The following NMU variants were observed in gnomAD, a reference collection of about 807,000 sequenced individuals.
NMU encodes the protein neuromedin-U.
NMU carries 29 observed loss-of-function variants against 35.4 expected under a neutral mutation model. The ratio of observed to expected loss-of-function variants is 0.82; its 90% CI spans 0.61 to 1.12. NMU has a LOEUF of 1.12. NMU is among the 50% of genes most tolerant of loss of function. The probability of loss-of-function intolerance (pLI) is 0.00; values close to 1 mark genes in which losing one functional copy is unlikely to be tolerated. For synonymous variants in NMU, 78 were observed against 81.3 expected (o/e 0.96, Z 0.22); for missense variants, 199 against 206.2 (o/e 0.97, Z 0.21).
chr4:55,597,133 C>T (rs1225715687), intron 9 of NMU, among the ~76,000 whole-genome samples: 1 of 151,840 alleles, frequency 6.6e-6, no homozygotes, highest in Non-Finnish European at 1.5e-5. Context: ...AATAATATTC[C>T]TTTTAAATTT....
Position 55,616,359 on chromosome 4 carries a change from C to G in NMU, c.198G>C (p.Leu66=). 1 of 1,612,266 alleles carries G rather than the reference C, an allele frequency of 6.2e-7. No homozygotes were observed. Among genetic ancestry groups the G allele is most frequent in the Non-Finnish European group, 8.5e-7 (1 of 1,178,404 alleles). Residue 66 remains leucine, a synonymous_variant, in exon 3 of 10, where the codon CTG becomes CTC. Transcript: ENST00000264218. ...NEIDDTCSSF[L]SIDSQPQASN... is the part of the protein sequence containing the mutation. ...TTACCTGAGGCTGAGAATCAATGGA[C>G]AGAAAAGACGAACAAGTATCATCTA...
intron 2 of NMU, among the ~76,000 whole-genome samples, chr4:55,620,007 C>A (rs1734321494): frequency 6.7e-6 from 1 of 149,184 alleles, no homozygotes; most frequent in Non-Finnish European, 1.5e-5. Flanking sequence ...CACCGAAAAC[C>A]CATCTGTATA....
At position 55,627,092 on chromosome 4, in the gene NMU, G is replaced by A. The variant is rs1734560887; in HGVS notation, c.171+3310C>T. 2.6e-5 allele frequency among the ~76,000 whole-genome samples: 4 copies of A among 152,320 alleles called. No homozygotes were observed. In the South Asian group the frequency reaches 8.3e-4, roughly 32 times the overall value. On this transcript the variant is annotated intron_variant, in intron 2 of 9. Transcript: ENST00000264218. ...CGCAAGCACAGGCAGCACAGGAAGA[G>A]CCATGGATGCTTGCAGTCAGAAACT...
At chr4:55,636,441 T>A, upstream of NMU, 1 of 486,498 alleles carries the variant, frequency 2.1e-6, no homozygotes, top group Non-Finnish European at 3.4e-6. The surrounding 1 kb of genome is among the most constrained non-coding windows in gnomAD (Gnocchi z 4.0). Flanking sequence ...CGCCCCACCC[T>A]GCAGCAGGAC....
rs549248835 is a variant in NMU at position 55,601,892 on chromosome 4, G to C, written c.436-1317C>G. On this transcript the variant is annotated intron_variant, in intron 7 of 9. Coordinates refer to ENST00000264218, the MANE Select transcript of NMU (RefSeq NM_006681.4). ...GGACCCAGCTCCTCAGGCTCCTCAG[G>C]AGGCTGAGGTGGGAGGATTGCCTGA... is the stretch of plus-strand genomic sequence containing the variant. 6.6e-3 allele frequency among the ~76,000 whole-genome samples: 1,008 copies of C among 152,132 alleles called. 12 individuals are homozygous for C. Among genetic ancestry groups the C allele is most frequent in the African/African-American group, 0.023 (958 of 41,480 alleles).
At chr4:55,603,754 T>C (rs1377760919) in intron 7 of NMU, among the ~76,000 whole-genome samples, 1 of 150,610 alleles carries the variant, frequency 6.6e-6, no homozygotes, top group African/African-American at 2.5e-5. Context: ...CTACTAAAAA[T>C]ACAACAAATT....
At position 55,630,384 on chromosome 4, in the gene NMU, G is replaced by T. The variant is rs1481738636; in HGVS notation, c.171+18C>A. The T allele has an allele frequency of 3.2e-6, 5 of 1,586,192 alleles. No individual in the cohort carries two copies. The highest frequency in any genetic ancestry group is 4.3e-6 in the Non-Finnish European group (5 of 1,155,094). On this transcript the variant is annotated intron_variant, in intron 2 of 9. Transcript: ENST00000264218. ...AAGGGTAAAGTTTCTACAAATTTGTGTGATGATAGTTCCTTACCTCATTCC... is the reference window on the plus strand; with the variant it reads ...AAGGGTAAAGTTTCTACAAATTTGTTTGATGATAGTTCCTTACCTCATTCC...
intron 3 of NMU, among the ~76,000 whole-genome samples, chr4:55,610,628 C>T (rs1256953231): frequency 6.6e-6 from 1 of 152,166 alleles, no homozygotes; most frequent in Non-Finnish European, 1.5e-5. Context: ...GCATCAGAGG[C>T]CTGCTTTGTT....
rs1733717131 is a variant in NMU, at chr4:55,607,217, C to T, written c.360+81G>A. Reference sequence around the variant, plus strand: ...TAAAGTAAAAAATTTGAATTCTGATCTAGCTCTATTATGCTGCAAAAACAG... The same window carrying T: ...TAAAGTAAAAAATTTGAATTCTGATTTAGCTCTATTATGCTGCAAAAACAG... On this transcript the variant is annotated intron_variant, in intron 6 of 9. Coordinates refer to ENST00000264218, the MANE Select transcript of NMU (RefSeq NM_006681.4). 96 of 966,026 alleles carry T rather than the reference C, an allele frequency of 9.9e-5. 1 individual carries two copies. In the South Asian group the frequency reaches 1.3e-3, roughly 13 times the overall value. The allele number at this position is 966,026 out of a possible 1,614,324, so 59.8% of individuals were successfully genotyped here.
At chr4:55,606,480 G>A (rs566820697) in intron 6 of NMU, among the ~76,000 whole-genome samples, 13 of 152,218 alleles carry the variant, frequency 8.5e-5, no homozygotes, top group African/African-American at 2.2e-4. Context: ...AAGATCTTAC[G>A]AATAGAAGAG....
chr4:55,636,367 C>T, upstream of NMU: 1 of 964,900 alleles, frequency 1.0e-6, no homozygotes, highest in Non-Finnish European at 1.4e-6. The surrounding 1 kb of genome is among the most constrained non-coding windows in gnomAD (Gnocchi z 4.0). Flanking sequence ...GTCCCCGCCG[C>T]GCGTCACCTC....
chr4:55,625,302 C>G (rs776045556), intron 2 of NMU, among the ~76,000 whole-genome samples: 23 of 149,816 alleles, frequency 1.5e-4, no homozygotes, highest in Non-Finnish European at 3.1e-4. Flanking sequence ...GAGTTTTTTC[C>G]AGCATTATCA....
chr4:55,607,350 T>C lies in NMU; in HGVS notation c.310-2A>G. 3 of 1,602,678 alleles carry C rather than the reference T, an allele frequency of 1.9e-6. No homozygotes were observed. Among genetic ancestry groups the C allele is most frequent in the Non-Finnish European group, 2.6e-6 (3 of 1,170,270 alleles). ...TGTCTTCGAATAATGAAATAAGAAC[T>C]GTTTAAAAAAAGCAGTAAGTTTTAC... On this transcript the variant is annotated splice_acceptor_variant, in intron 5 of 9. Transcript: ENST00000264218. LOFTEE classifies it high-confidence loss of function.
chr4:55,634,544 A>C (rs949289333), intron 1 of NMU, among the ~76,000 whole-genome samples: 2 of 152,206 alleles, frequency 1.3e-5, no homozygotes, highest in East Asian at 3.9e-4. Flanking sequence ...TCTCCAACCC[A>C]CCCCAAGGCA....
intron 3 of NMU, among the ~76,000 whole-genome samples, chr4:55,614,895 A>G (rs1222930752): frequency 1.3e-5 from 2 of 152,256 alleles, no homozygotes; most frequent in Non-Finnish European, 2.9e-5. Flanking sequence ...ATTGTTCAAA[A>G]ACATCATCTA....
At chr4:55,632,768 GGAA>G (rs1715671060) in intron 1 of NMU, among the ~76,000 whole-genome samples, 1 of 151,990 alleles carries the variant, frequency 6.6e-6, no homozygotes, top group African/African-American at 2.4e-5. Context: ...CAGTAAAAGT[GGAA>G]GTTTCCACCT....
At chr4:55,634,941 T>C (rs1198538431) in intron 1 of NMU, among the ~76,000 whole-genome samples, 1 of 151,876 alleles carries the variant, frequency 6.6e-6, no homozygotes, top group Admixed American at 6.6e-5. Flanking sequence ...ATCAAAACAA[T>C]GAGAGGAGAA....
intron 6 of NMU, among the ~76,000 whole-genome samples, chr4:55,605,653 C>T (rs1733653106): frequency 6.6e-6 from 1 of 152,192 alleles, no homozygotes; most frequent in South Asian, 2.1e-4. Flanking sequence ...CTCACTGCCT[C>T]TTTGAGAGGC....
At chr4:55,635,603 C>T (rs73236169) in intron 1 of NMU, among the ~76,000 whole-genome samples, 14,857 of 152,326 alleles carry the variant, frequency 0.098, 1,024 homozygotes, top group Non-Finnish European at 0.14. Context: ...CTAGCTCACT[C>T]ACCAAAGAGG....
Sources: gnomAD v4.1 joint callset for allele counts (sites outside exome capture counted in the v4.1 genomes callset) on GRCh38, gnomAD v4.1.1 for gene constraint, Gnocchi (gnomAD v3.1) non-coding constraint, MANE v1.5 for transcripts, NCBI Gene and HGNC (gene_info 2026-07-23, HGNC 2026-07-21) for gene names.